Variants in RPH3A observed in about 807,000 individuals in gnomAD.
The protein encoded by RPH3A is rabphilin-3A.
RPH3A carries 48 observed loss-of-function variants against 102.2 expected under a neutral mutation model. That is an observed-to-expected ratio of 0.47 (90% CI 0.37 to 0.60). RPH3A has a LOEUF of 0.60. RPH3A is among the 20% of genes least tolerant of loss of function. The pLI is 0.00. For synonymous variants in RPH3A, 310 were observed against 324.3 expected, an observed-to-expected ratio of 0.96 and a Z score of 0.47; for missense variants, 781 against 910.1, an observed-to-expected ratio of 0.86 and a Z score of 1.83.
intron 1 of RPH3A, among the ~76,000 whole-genome samples, chr12:112,660,056 G>A (rs1013221900): frequency 6.6e-6 from 1 of 152,024 alleles, no homozygotes; most frequent in Non-Finnish European, 1.5e-5. Context: ...GACAGAAGTA[G>A]GGAAGATATG....
intron 5 of RPH3A, among the ~76,000 whole-genome samples, chr12:112,858,290 A>AAAAAG (rs1467921876): frequency 4.2e-5 from 6 of 144,512 alleles, no homozygotes; most frequent in Middle Eastern, 3.6e-3. Flanking sequence ...AAAAAAAAAA[A>AAAAAG]AAAAGAAAAG....
intron 1 of RPH3A, among the ~76,000 whole-genome samples, chr12:112,733,758 C>T (rs1465309652): frequency 3.9e-5 from 6 of 152,124 alleles, no homozygotes; most frequent in Non-Finnish European, 8.8e-5. Context: ...TAAAGACAAG[C>T]GGATGTGCAA....
At position 112,608,163 on chromosome 12, in the gene RPH3A, T is replaced by C. The variant is rs564339117; in HGVS notation, c.-140+32844T>C. ...GGGAGTTGCGCTCTGTTTCCCAGGC[T>C]GGAGTGCAGTGGGGCGATCTTGGCT... is the stretch of plus-strand genomic sequence containing the variant. On this transcript the variant is annotated intron_variant, in intron 1 of 21. Coordinates refer to the RPH3A transcript ENST00000543106. Among the ~76,000 whole-genome samples the C allele has an allele frequency of 9.0e-4, 137 of 151,776 alleles. 4 individuals are homozygous for C. The highest frequency in any genetic ancestry group is 8.8e-3 in the Admixed American group (134 of 15,204).
Position 112,713,064 on chromosome 12 carries a change from C to A in RPH3A, c.-139-79079C>A, listed in dbSNP as rs921044923. On this transcript the variant is annotated intron_variant, in intron 1 of 21. Transcript: ENST00000543106. ...TCTTCTTCTTCTCCTTCTTCTTCTTCTTCTTCTTCTTCTTCTTCTTCTTCT... is the reference window on the plus strand; with the variant it reads ...TCTTCTTCTTCTCCTTCTTCTTCTTATTCTTCTTCTTCTTCTTCTTCTTCT... 4.5e-5 allele frequency among the ~76,000 whole-genome samples: 5 copies of A among 111,952 alleles called. No homozygotes were observed. In the Admixed American group the frequency reaches 4.9e-4, roughly 11 times the overall value. The allele number at this position is 111,952 out of a possible 152,430, so 73.4% of individuals were successfully genotyped here.
At chr12:112,876,529 A>C in intron 12 of RPH3A, 113 bp from the exon 13 acceptor site, 1 of 732,216 alleles carries the variant, frequency 1.4e-6, no homozygotes, top group Non-Finnish European at 2.2e-6. Context: ...CCCACTGCAT[A>C]TCCACTGATT....
intron 4 of RPH3A, among the ~76,000 whole-genome samples, chr12:112,843,821 T>C (rs1244393678): frequency 6.6e-6 from 1 of 152,142 alleles, no homozygotes; most frequent in Non-Finnish European, 1.5e-5. Context: ...AGGTGAAGTG[T>C]CCATTTCCAT....
chr12:112,738,258 T>A (rs1046018374), intron 1 of RPH3A, among the ~76,000 whole-genome samples: 2 of 152,008 alleles, frequency 1.3e-5, no homozygotes, highest in African/African-American at 4.8e-5. Context: ...AGCTGTGTGA[T>A]CTCAGCTCAC....
chr12:112,713,137 G>T (rs2040491899), intron 1 of RPH3A, among the ~76,000 whole-genome samples: 1 of 147,198 alleles, frequency 6.8e-6, no homozygotes, highest in Admixed American at 6.9e-5. Flanking sequence ...TCACCATGTT[G>T]CCCAGGCTGG....
chr12:112,723,930 T>C (rs994147164), intron 1 of RPH3A, among the ~76,000 whole-genome samples: 1 of 152,252 alleles, frequency 6.6e-6, no homozygotes, highest in African/African-American at 2.4e-5. Context: ...GAAGTTTTAG[T>C]AAGTTCTAAA....
At chr12:112,677,946 T>C (rs1205512517) in intron 1 of RPH3A, among the ~76,000 whole-genome samples, 1 of 151,680 alleles carries the variant, frequency 6.6e-6, no homozygotes, top group Admixed American at 6.6e-5. Flanking sequence ...ATCCCAGCAC[T>C]TTGGGAGGCC....
At chr12:112,856,018 C>T (rs911017423) in intron 5 of RPH3A, among the ~76,000 whole-genome samples, 2 of 152,190 alleles carry the variant, frequency 1.3e-5, no homozygotes, top group Admixed American at 6.5e-5. Flanking sequence ...ATGGTGAAAT[C>T]GTGGTCAGCC....
chr12:112,769,228 T>C (rs943743742), intron 1 of RPH3A, among the ~76,000 whole-genome samples: 2 of 152,256 alleles, frequency 1.3e-5, no homozygotes, highest in African/African-American at 4.8e-5. Context: ...TTGCAGATTT[T>C]AACTTGACGC....
Position 112,881,503 on chromosome 12 carries a change from T to A in RPH3A, c.1252-269T>A, listed in dbSNP as rs886477. ...AAGCGGGTACTGTTCTTATCCCCAT[T>A]TGACAGGTGGGGAAACTGAGGCTCA... On this transcript the variant is annotated intron_variant, in intron 14 of 21. Coordinates refer to ENST00000389385, the MANE Select transcript of RPH3A (RefSeq NM_001143854.2). Among the ~76,000 whole-genome samples the A allele has an allele frequency of 9.0e-3, 1,374 of 152,304 alleles. 127 individuals are homozygous for A. The East Asian group carries it at 0.22, about 24-fold the overall frequency.
chr12:112,870,605 T>G (rs1174766780), intron 10 of RPH3A, among the ~76,000 whole-genome samples: 1 of 152,202 alleles, frequency 6.6e-6, no homozygotes, highest in East Asian at 1.9e-4. Flanking sequence ...CTTTGTTCCA[T>G]GGCCCCTTGT....
intron 1 of RPH3A, among the ~76,000 whole-genome samples, chr12:112,649,905 T>C (rs2039961898): frequency 6.6e-6 from 1 of 152,218 alleles, no homozygotes; most frequent in Non-Finnish European, 1.5e-5. Flanking sequence ...CTAGCGTCTC[T>C]TCCTCTTCTT....
chr12:112,868,379 A>C (rs2042646739), intron 7 of RPH3A, 51 bp from the exon 8 acceptor site: 1 of 1,590,438 alleles, frequency 6.3e-7, no homozygotes, highest in Non-Finnish European at 8.6e-7. Flanking sequence ...TGAAGGTAAG[A>C]GCAACAGCGC....
intron 1 of RPH3A, among the ~76,000 whole-genome samples, chr12:112,676,702 T>C (rs1017305413): frequency 4.6e-5 from 7 of 152,170 alleles, no homozygotes; most frequent in Non-Finnish European, 1.0e-4. Context: ...TCAGGTACTC[T>C]AATGGCTTGG....
At chr12:112,742,054 A>T (rs1051254798) in intron 1 of RPH3A, among the ~76,000 whole-genome samples, 1 of 152,216 alleles carries the variant, frequency 6.6e-6, no homozygotes, top group Admixed American at 6.5e-5. Flanking sequence ...CCTTCAGTCC[A>T]CAGTCCTCAG....
In RPH3A at chr12:112,897,127, G is replaced by T; in HGVS notation, c.*347G>T. ...TTAGGACTGTTTTTAGACCCTCCTA[G>T]CCTTGAACACACACATGTACACACA... On this transcript the variant is annotated 3_prime_UTR_variant, in exon 22 of 22. Transcript: ENST00000389385. 1 of 254,038 alleles carries T rather than the reference G, an allele frequency of 3.9e-6. No homozygotes were observed. The highest frequency in any genetic ancestry group is 7.8e-6 in the Non-Finnish European group (1 of 128,282). 15.7% of individuals were successfully genotyped at this position (254,038 alleles called of 1,614,324 possible).
Sources: gnomAD v4.1 joint callset for allele counts (sites outside exome capture counted in the v4.1 genomes callset) on GRCh38, gnomAD v4.1.1 for gene constraint, MANE v1.5 for transcripts, NCBI Gene and HGNC (gene_info 2026-07-23, HGNC 2026-07-21) for gene names.